NCAM1: variants seen among roughly 807,000 people sequenced by gnomAD.
The protein encoded by NCAM1 is neural cell adhesion molecule 1.
NCAM1 carries 14 observed loss-of-function variants against 109.8 expected under a neutral mutation model. The ratio of observed to expected loss-of-function variants is 0.13; its 90% CI spans 0.08 to 0.20. The LOEUF is 0.20. Ranked by LOEUF, NCAM1 falls within the 10% of genes least tolerant of loss-of-function variation. The pLI, the probability that NCAM1 is intolerant of heterozygous loss-of-function variation, is 1.00. For synonymous variants in NCAM1, 418 were observed against 442.9 expected (o/e 0.94, Z 0.70); for missense variants, 774 against 1,109.9 (o/e 0.70, Z 4.30).
At chr11:113,109,730 G>T (rs1940356411) in intron 1 of NCAM1, among the ~76,000 whole-genome samples, 1 of 152,182 alleles carries the variant, frequency 6.6e-6, no homozygotes, top group Non-Finnish European at 1.5e-5. Context: ...GGAAGAACTT[G>T]ATGAAAAAGT....
At chr11:113,267,473 T>C (rs782194499) in intron 17 of NCAM1, among the ~76,000 whole-genome samples, 4 of 150,622 alleles carry the variant, frequency 2.7e-5, no homozygotes, top group Non-Finnish European at 5.9e-5. Context: ...AAGGTGACAC[T>C]GGGACTGAGG....
intron 1 of NCAM1, among the ~76,000 whole-genome samples, chr11:113,080,759 G>T (rs1208202044): frequency 1.3e-5 from 2 of 152,160 alleles, no homozygotes; most frequent in African/African-American, 4.8e-5. Flanking sequence ...TCACATTAGT[G>T]GTGGTTTTGT....
At chr11:113,036,950 T>C (rs1952908439) in intron 1 of NCAM1, among the ~76,000 whole-genome samples, 1 of 152,094 alleles carries the variant, frequency 6.6e-6, no homozygotes, top group African/African-American at 2.4e-5. Context: ...CTCAGTTCAT[T>C]TCTCAGCTTT....
At chr11:113,086,234 C>A (rs1397441403) in intron 1 of NCAM1, among the ~76,000 whole-genome samples, 1 of 152,184 alleles carries the variant, frequency 6.6e-6, no homozygotes. Context: ...CAAGAAGGTG[C>A]AGGCTATGCA....
At chr11:113,122,232 A>G (rs1057305756) in intron 1 of NCAM1, among the ~76,000 whole-genome samples, 8 of 152,218 alleles carry the variant, frequency 5.3e-5, no homozygotes, top group African/African-American at 1.9e-4. Flanking sequence ...TTAATCTTTG[A>G]AAGCTGTTGA....
chr11:113,011,960 C>G (rs1591244865), intron 1 of NCAM1, among the ~76,000 whole-genome samples: 1 of 133,826 alleles, frequency 7.5e-6, no homozygotes, highest in Non-Finnish European at 1.6e-5. Context: ...CTCTCCTTCT[C>G]TCCTTTCCTT....
At chr11:113,049,662 T>C (rs1213012250) in intron 1 of NCAM1, among the ~76,000 whole-genome samples, 5 of 152,098 alleles carry the variant, frequency 3.3e-5, no homozygotes, top group African/African-American at 1.2e-4. Flanking sequence ...CCACAAAAAG[T>C]GTAGGTCTTT....
chr11:113,013,107 T>G (rs1276465903), intron 1 of NCAM1, among the ~76,000 whole-genome samples: 1 of 151,798 alleles, frequency 6.6e-6, no homozygotes, highest in East Asian at 1.9e-4. Context: ...AGGTTTGAAA[T>G]TTTTCATAAT....
intron 9 of NCAM1, among the ~76,000 whole-genome samples, chr11:113,228,979 C>T (rs1944926127): frequency 8.5e-5 from 13 of 152,080 alleles, no homozygotes; most frequent in Admixed American, 8.5e-4. Context: ...CCATAAAAAC[C>T]CTAGAAGAAA....
chr11:113,173,417 C>T (rs547480593), intron 1 of NCAM1, among the ~76,000 whole-genome samples: 4 of 151,542 alleles, frequency 2.6e-5, no homozygotes, highest in South Asian at 4.2e-4. Flanking sequence ...GGGAGCTGTG[C>T]GATAGGGCAG....
chr11:113,217,999 C>A (rs1182982677), intron 8 of NCAM1, among the ~76,000 whole-genome samples: 15 of 152,194 alleles, frequency 9.9e-5, no homozygotes, highest in African/African-American at 3.6e-4. Flanking sequence ...CCAGTCAGGA[C>A]TGACTTTCAT....
intron 9 of NCAM1, among the ~76,000 whole-genome samples, chr11:113,222,619 G>A (rs950100700): frequency 6.6e-6 from 1 of 152,218 alleles, no homozygotes; most frequent in Non-Finnish European, 1.5e-5. Context: ...GGGGAAGAGA[G>A]AGAAGGGTTA....
In NCAM1 at chr11:113,204,348, C is replaced by G. The variant is rs1555112450; in HGVS notation, c.190C>G (p.Pro64Ala). The change falls in exon 3 of 20, where the codon CCA becomes GCA. Residue 64 changes from proline (P) to alanine (A), a missense_variant. Coordinates refer to ENST00000316851, the MANE Select transcript of NCAM1 (RefSeq NM_181351.5). ...WFSPNGEKLT[P>A]NQQRISVVWN... ...CTCCCCCAATGGAGAAAAGCTCACC[C>G]CAAACCAGCAGCGGATCTCAGTGGT... The G allele has an allele frequency of 1.2e-6, 2 of 1,613,966 alleles. No homozygotes were observed. Among genetic ancestry groups the G allele is most frequent in the Non-Finnish European group, 1.7e-6 (2 of 1,179,878 alleles).
intron 17 of NCAM1, among the ~76,000 whole-genome samples, chr11:113,268,141 A>G (rs1946177886): frequency 2.0e-5 from 3 of 152,212 alleles, no homozygotes; most frequent in Admixed American, 1.3e-4. Context: ...CAGCTATGGG[A>G]TCCTGAAGAC....
At chr11:113,134,300 G>A (rs1229079614) in intron 1 of NCAM1, among the ~76,000 whole-genome samples, 2 of 151,882 alleles carry the variant, frequency 1.3e-5, no homozygotes, top group Admixed American at 1.3e-4. Flanking sequence ...CCATATTTTC[G>A]CATGTAACCG....
intron 19 of NCAM1, among the ~76,000 whole-genome samples, chr11:113,272,100 A>G (rs1229487054): frequency 6.6e-6 from 1 of 152,096 alleles, no homozygotes; most frequent in Non-Finnish European, 1.5e-5. Context: ...AGGCTCCTGT[A>G]TAAGTAGGGA....
chr11:112,984,492 A>G (rs1044712418), intron 1 of NCAM1, among the ~76,000 whole-genome samples: 3 of 152,000 alleles, frequency 2.0e-5, no homozygotes, highest in African/African-American at 7.2e-5. Flanking sequence ...CTGTGGCTGC[A>G]GCAGTCTTAC....
At chr11:113,076,007 G>A (rs1284463753) in intron 1 of NCAM1, among the ~76,000 whole-genome samples, 1 of 152,174 alleles carries the variant, frequency 6.6e-6, no homozygotes, top group Non-Finnish European at 1.5e-5. Context: ...TAAAAGAAAT[G>A]CCTAAAACCA....
chr11:113,093,410 A>G (rs987060585), intron 1 of NCAM1, among the ~76,000 whole-genome samples: 3 of 152,160 alleles, frequency 2.0e-5, no homozygotes, highest in Non-Finnish European at 4.4e-5. Flanking sequence ...CATTGCACCA[A>G]TTGGAATGGG....
Sources: allele counts gnomAD v4.1 joint callset (sites outside exome capture counted in the v4.1 genomes callset), GRCh38; gene constraint gnomAD v4.1.1; transcripts MANE v1.5; gene names NCBI Gene and HGNC (gene_info 2026-07-23, HGNC 2026-07-21).